The following RBFOX1 variants were observed in gnomAD, a reference collection of about 807,000 sequenced individuals.
RBFOX1 encodes RNA binding fox-1 homolog 1, also known as RNA binding protein fox-1 homolog 1.
A neutral mutation model predicts 57.7 loss-of-function variants in RBFOX1; 8 were observed. The observed-to-expected ratio is 0.14, with a 90% confidence interval of 0.08 to 0.25. The LOEUF is 0.25. RBFOX1 is among the 10% of genes least tolerant of loss of function. The probability of loss-of-function intolerance (pLI) is 1.00; values close to 1 mark genes in which losing one functional copy is unlikely to be tolerated. For synonymous variants in RBFOX1, 326 were observed against 222.4 expected (o/e 1.47, Z -4.15); for missense variants, 611 against 548.5 (o/e 1.11, Z -1.14).
intron 2 of RBFOX1, among the ~76,000 whole-genome samples, chr16:6,626,967 C>G (rs2098317462): frequency 6.6e-6 from 1 of 152,266 alleles, no homozygotes; most frequent in Middle Eastern, 3.4e-3. Context: ...TTATTATCCT[C>G]CATGCACAGT....
At chr16:7,410,380 G>T (rs982935098) in intron 4 of RBFOX1, among the ~76,000 whole-genome samples, 2 of 152,208 alleles carry the variant, frequency 1.3e-5, no homozygotes, top group East Asian at 3.9e-4. Flanking sequence ...TAAAACCCAG[G>T]ACCTTAAGAC....
At chr16:6,670,533 C>G (rs1189176283) in intron 3 of RBFOX1, among the ~76,000 whole-genome samples, 1 of 152,032 alleles carries the variant, frequency 6.6e-6, no homozygotes, top group South Asian at 2.1e-4. Context: ...AAACATACCC[C>G]CAAAGAAAGC....
At chr16:6,593,720 A>T (rs554349276) in intron 2 of RBFOX1, among the ~76,000 whole-genome samples, 1 of 152,306 alleles carries the variant, frequency 6.6e-6, no homozygotes, top group East Asian at 1.9e-4. Flanking sequence ...TTCTTATTTT[A>T]CAGAGGCATG....
chr16:6,816,289 A>G (rs546985185), intron 3 of RBFOX1, among the ~76,000 whole-genome samples: 2 of 152,324 alleles, frequency 1.3e-5, no homozygotes, highest in Non-Finnish European at 2.9e-5. Context: ...CACTTGAGCC[A>G]CAGGGTAAGA....
At chr16:7,642,062 C>G (rs1295893944) in intron 11 of RBFOX1, among the ~76,000 whole-genome samples, 1 of 152,106 alleles carries the variant, frequency 6.6e-6, no homozygotes, top group African/African-American at 2.4e-5. Context: ...TTGCAGTGAT[C>G]CATGACCACG....
intron 4 of RBFOX1, among the ~76,000 whole-genome samples, chr16:5,972,880 T>G (rs2059991069): frequency 6.6e-6 from 1 of 152,230 alleles, no homozygotes; most frequent in Non-Finnish European, 1.5e-5. Context: ...CTTTGAATGC[T>G]TGAGGAGTTT....
At chr16:6,249,513 G>C (rs1435631399) in intron 1 of RBFOX1, among the ~76,000 whole-genome samples, 1 of 152,098 alleles carries the variant, frequency 6.6e-6, no homozygotes, top group Non-Finnish European at 1.5e-5. Flanking sequence ...GACAGAGGGA[G>C]ACTCCATCTC....
chr16:6,783,886 G>A (rs193233579), intron 3 of RBFOX1, among the ~76,000 whole-genome samples: 2 of 152,176 alleles, frequency 1.3e-5, no homozygotes, highest in African/African-American at 2.4e-5. Flanking sequence ...ACTTCTCCAC[G>A]TTTGAAGCAT....
At chr16:7,477,020 A>C (rs1200720809) in intron 4 of RBFOX1, among the ~76,000 whole-genome samples, 1 of 152,048 alleles carries the variant, frequency 6.6e-6, no homozygotes, top group Non-Finnish European at 1.5e-5. Context: ...TGTACCTAAC[A>C]CTTGCTGTCA....
intron 1 of RBFOX1, chr16:5,365,869 C>G: frequency 5.9e-6 from 3 of 508,930 alleles, no homozygotes; most frequent in Non-Finnish European, 1.2e-5. Flanking sequence ...GAACTCAAGG[C>G]TGACAAAGAT....
intron 1 of RBFOX1, among the ~76,000 whole-genome samples, chr16:5,289,823 C>T (rs1490250211): frequency 6.6e-6 from 1 of 152,202 alleles, no homozygotes; most frequent in Non-Finnish European, 1.5e-5. Flanking sequence ...CAGTGTGGCA[C>T]TTCTTCAAAA....
At chr16:5,956,668 A>G (rs1187795780) in intron 4 of RBFOX1, among the ~76,000 whole-genome samples, 1 of 45,092 alleles carries the variant, frequency 2.2e-5, no homozygotes, top group African/African-American at 1.1e-4. Context: ...TTATATATAT[A>G]TATATATATA....
At chr16:5,546,334 A>G (rs2045204654) in intron 2 of RBFOX1, among the ~76,000 whole-genome samples, 1 of 152,208 alleles carries the variant, frequency 6.6e-6, no homozygotes, top group Non-Finnish European at 1.5e-5. Flanking sequence ...TTTGAAATTT[A>G]TACAGACAAT....
At chr16:7,303,502 C>G (rs1444606910) in intron 4 of RBFOX1, among the ~76,000 whole-genome samples, 2 of 152,302 alleles carry the variant, frequency 1.3e-5, no homozygotes, top group Non-Finnish European at 1.5e-5. Flanking sequence ...GGCGCTCGCT[C>G]GCCTGCTCAC....
At chr16:7,002,166 C>G (rs1300546216) in intron 3 of RBFOX1, among the ~76,000 whole-genome samples, 1 of 152,068 alleles carries the variant, frequency 6.6e-6, no homozygotes, top group African/African-American at 2.4e-5. Context: ...CCATCCACCT[C>G]TCAGTGTACT....
At chr16:6,724,839 C>G (rs1369058265) in intron 3 of RBFOX1, among the ~76,000 whole-genome samples, 2 of 152,088 alleles carry the variant, frequency 1.3e-5, no homozygotes, top group African/African-American at 4.8e-5. Context: ...AACCCATCAC[C>G]TAGGTGTGCA....
At chr16:6,239,730 C>G (rs1415525937) in intron 1 of RBFOX1, among the ~76,000 whole-genome samples, 2 of 152,204 alleles carry the variant, frequency 1.3e-5, no homozygotes, top group Non-Finnish European at 2.9e-5. Flanking sequence ...AACTCCTGAC[C>G]TCATGATCCG....
chr16:5,697,004 C>T (rs945710636), intron 3 of RBFOX1, among the ~76,000 whole-genome samples: 5 of 152,132 alleles, frequency 3.3e-5, no homozygotes, highest in Admixed American at 6.5e-5. Flanking sequence ...CCTCTGCCTC[C>T]TGGATTGAAG....
intron 4 of RBFOX1, among the ~76,000 whole-genome samples, chr16:5,955,118 TAAAAAAAAAAA>T (rs34488881): frequency 7.7e-4 from 11 of 14,286 alleles, no homozygotes; most frequent in South Asian, 4.6e-3. Flanking sequence ...CCATCTCTAC[TAAAAAAAAAAA>T]AAAAAAAAAA....
Sources: gnomAD v4.1 joint callset for allele counts (sites outside exome capture counted in the v4.1 genomes callset) on GRCh38, gnomAD v4.1.1 for gene constraint, MANE v1.5 for transcripts, NCBI Gene and HGNC (gene_info 2026-07-23, HGNC 2026-07-21) for gene names.